STT3B: variants seen among roughly 807,000 people sequenced by gnomAD.
STT3B encodes the protein STT3 oligosaccharyltransferase complex catalytic subunit B, also known as dolichyl-diphosphooligosaccharide--protein glycosyltransferase subunit STT3B.
A neutral mutation model predicts 96.8 loss-of-function variants in STT3B; 29 were observed. That is an observed-to-expected ratio of 0.30 (90% CI 0.22 to 0.41). The LOEUF (loss-of-function observed/expected upper bound fraction) is 0.41, where lower values mean the gene tolerates loss of function less well. Ranked by LOEUF, STT3B falls within the 10% of genes least tolerant of loss-of-function variation. STT3B has a pLI of 1.00. For missense variants in STT3B, 640 were observed against 1,022.3 expected (o/e 0.63, Z 5.10); for synonymous variants, 367 against 360.0 (o/e 1.02, Z -0.22).
chr3:31,588,042 G>A (rs1299106367), intron 3 of STT3B, among the ~76,000 whole-genome samples: 3 of 152,148 alleles, frequency 2.0e-5, no homozygotes, highest in East Asian at 1.9e-4. Flanking sequence ...TTACTATTTT[G>A]TAGATCATCT....
intron 1 of STT3B, among the ~76,000 whole-genome samples, chr3:31,572,111 T>TTA (rs1393259720): frequency 7.5e-6 from 1 of 133,818 alleles, no homozygotes; most frequent in Non-Finnish European, 1.5e-5. Flanking sequence ...AATATATATA[T>TTA]TATATATCTC....
chr3:31,583,887 C>G (rs756601989), intron 3 of STT3B, among the ~76,000 whole-genome samples: 19 of 152,126 alleles, frequency 1.2e-4, no homozygotes, highest in Non-Finnish European at 2.6e-4. Context: ...CCTTTTCACT[C>G]TGGATAGTGT....
intron 3 of STT3B, among the ~76,000 whole-genome samples, chr3:31,586,481 A>G (rs1306358648): frequency 2.6e-5 from 4 of 152,032 alleles, no homozygotes; most frequent in Admixed American, 6.6e-5. Context: ...CCTAAATCAC[A>G]AAGATTGTCT....
Position 31,625,080 on chromosome 3 carries a change from G to A in STT3B, c.1894G>A (p.Ala632Thr). 6.2e-7 allele frequency: 1 copy of A among 1,612,084 alleles called. No homozygotes were observed. The highest frequency in any genetic ancestry group is 8.5e-7 in the Non-Finnish European group (1 of 1,178,974). ...TAACACCTGGAATAACAGCCACATA[G>A]CACTGGTAAGGATTTACTAAATACA... ...DNNTWNNSHI[A>T]LVGKAMSSNE... The change falls in exon 12 of 16, where the codon GCA becomes ACA. Residue 632 changes from alanine to threonine, a missense_variant. Coordinates refer to ENST00000295770, the MANE Select transcript of STT3B (RefSeq NM_178862.3).
At chr3:31,591,736 A>C (rs970235859) in intron 3 of STT3B, among the ~76,000 whole-genome samples, 5 of 152,156 alleles carry the variant, frequency 3.3e-5, no homozygotes, top group African/African-American at 4.8e-5. Flanking sequence ...ATTTATATTC[A>C]TATAACTTAC....
At chr3:31,616,863 A>G in intron 6 of STT3B, 66 bp from the exon 7 acceptor site, 2 of 1,433,174 alleles carry the variant, frequency 1.4e-6, no homozygotes, top group Non-Finnish European at 1.9e-6. Flanking sequence ...AGCTCTTTCA[A>G]ATGAAAGTTT....
At chr3:31,542,231 A>C (rs1383445947) in intron 1 of STT3B, among the ~76,000 whole-genome samples, 1 of 152,178 alleles carries the variant, frequency 6.6e-6, no homozygotes, top group Non-Finnish European at 1.5e-5. Flanking sequence ...TCAACTATTA[A>C]AGTATTGTAT....
chr3:31,630,547 A>G (rs1183777748), intron 14 of STT3B, among the ~76,000 whole-genome samples: 1 of 152,176 alleles, frequency 6.6e-6, no homozygotes, highest in Admixed American at 6.5e-5. Flanking sequence ...GTCTTAATAA[A>G]TTTGTTTTGC....
intron 4 of STT3B, among the ~76,000 whole-genome samples, chr3:31,599,889 G>A (rs952819531): frequency 6.6e-5 from 10 of 152,066 alleles, no homozygotes; most frequent in African/African-American, 1.9e-4. Flanking sequence ...ATCTCAAAGC[G>A]TATTCATGTC....
Position 31,533,005 on chromosome 3 carries a change from G to A in STT3B, c.7G>A (p.Glu3Lys). MA[E>K]PSAPESKHKS... Reference sequence around the variant, plus strand: ...CCCGCCGCCGGGGCACAACATGGCGGAGCCCTCGGCCCCGGAGAGCAAGCA... The same window carrying A: ...CCCGCCGCCGGGGCACAACATGGCGAAGCCCTCGGCCCCGGAGAGCAAGCA... The change falls in exon 1 of 16, where the codon GAG becomes AAG. Residue 3 changes from glutamate (E) to lysine (K), a missense_variant. By Grantham distance (56) the Glu-to-Lys change is moderately conservative. Around this residue, in one of 8 missense-constraint regions of STT3B, gnomAD observed 89 missense variants for 81.7 expected, o/e 1.09. Transcript: ENST00000295770. 6.3e-7 allele frequency: 1 copy of A among 1,588,228 alleles called. No individual in the cohort carries two copies. Among genetic ancestry groups the A allele is most frequent in the Non-Finnish European group, 8.6e-7 (1 of 1,168,764 alleles).
intron 1 of STT3B, among the ~76,000 whole-genome samples, chr3:31,535,884 CTTAA>C (rs1697080179): frequency 6.6e-6 from 1 of 152,064 alleles, no homozygotes; most frequent in Non-Finnish European, 1.5e-5. Flanking sequence ...GTTGACATTT[CTTAA>C]TTAAATGTTT....
At chr3:31,634,183 T>C (rs1699716579) in intron 15 of STT3B, among the ~76,000 whole-genome samples, 1 of 152,214 alleles carries the variant, frequency 6.6e-6, no homozygotes, top group African/African-American at 2.4e-5. Flanking sequence ...TGAAACTCAT[T>C]ATCTTTAGGT....
rs1208907024 is a variant in STT3B at position 31,636,322 on chromosome 3, A to G, written c.*258A>G. On this transcript the variant is annotated 3_prime_UTR_variant, in exon 16 of 16. Transcript: ENST00000295770. ...GCAGATTTTTTTTTTATTGGTACAT[A>G]TTATCCTTCAAATCTGAGAATTTGG... The G allele has an allele frequency of 6.8e-6, 2 of 292,210 alleles. No homozygotes were observed. Among genetic ancestry groups the G allele is most frequent in the African/African-American group, 4.3e-5 (2 of 46,172 alleles). The allele number at this position is 292,210 out of a possible 1,614,324, so 18.1% of individuals were successfully genotyped here.
chr3:31,613,253 G>T (rs1450534879), intron 5 of STT3B, among the ~76,000 whole-genome samples: 1 of 152,002 alleles, frequency 6.6e-6, no homozygotes, highest in East Asian at 1.9e-4. Context: ...CATTCAGTTT[G>T]TATCATTTCT....
intron 1 of STT3B, among the ~76,000 whole-genome samples, chr3:31,534,004 A>G (rs1697020122): frequency 6.6e-6 from 1 of 152,228 alleles, no homozygotes; most frequent in Non-Finnish European, 1.5e-5. Context: ...ATCATTAGGT[A>G]TTTTAAAGAG....
chr3:31,605,772 G>A (rs113927585), intron 5 of STT3B, among the ~76,000 whole-genome samples: 9,680 of 152,240 alleles, frequency 0.064, 1,033 homozygotes, highest in African/African-American at 0.22. Flanking sequence ...AAAGATACCC[G>A]AAAATGTGGA....
At chr3:31,540,369 G>A (rs1370261674) in intron 1 of STT3B, among the ~76,000 whole-genome samples, 1 of 152,096 alleles carries the variant, frequency 6.6e-6, no homozygotes, top group Non-Finnish European at 1.5e-5. Flanking sequence ...ACTGCATGAA[G>A]ACATGTAAAG....
chr3:31,568,122 G>T (rs1698049393), intron 1 of STT3B, among the ~76,000 whole-genome samples: 2 of 151,712 alleles, frequency 1.3e-5, no homozygotes, highest in Non-Finnish European at 2.9e-5. Context: ...GTCCTTCCAT[G>T]CCTGGCTTAT....
chr3:31,588,274 T>TACTAGTG (rs1698591219), intron 3 of STT3B, among the ~76,000 whole-genome samples: 1 of 152,090 alleles, frequency 6.6e-6, no homozygotes, highest in Admixed American at 6.6e-5. Flanking sequence ...TTTGTGCAGG[T>TACTAGTG]ACTAGGTGCT....
Sources: gnomAD v4.1 joint callset for allele counts (sites outside exome capture counted in the v4.1 genomes callset) on GRCh38, gnomAD v4.1.1 for gene constraint, gnomAD v4.1.1 regional missense constraint, MANE v1.5 for transcripts, NCBI Gene and HGNC (gene_info 2026-07-23, HGNC 2026-07-21) for gene names.